The following ARHGAP15 variants were observed in gnomAD, a reference collection of about 807,000 sequenced individuals.
The protein encoded by ARHGAP15 is Rho GTPase activating protein 15.
Under a neutral mutation model 63.7 loss-of-function variants are expected in ARHGAP15, and 51 were observed. The observed-to-expected ratio is 0.80, with a 90% CI of 0.64 to 1.01. The LOEUF (loss-of-function observed/expected upper bound fraction) is 1.01. ARHGAP15 is among the 50% of genes least tolerant of loss of function. ARHGAP15 has a pLI of 0.00. For missense variants in ARHGAP15, 560 were observed against 564.6 expected, an observed-to-expected ratio of 0.99 and a Z score of 0.08; for synonymous variants, 191 against 193.8, an observed-to-expected ratio of 0.99 and a Z score of 0.12.
chr2:143,680,422 C>A (rs1183358227), intron 12 of ARHGAP15, among the ~76,000 whole-genome samples: 2 of 152,166 alleles, frequency 1.3e-5, no homozygotes, highest in African/African-American at 2.4e-5. Flanking sequence ...TCTCTAGTAA[C>A]CCTATACTGG....
chr2:143,243,744 T>C (rs1055592926), intron 5 of ARHGAP15, among the ~76,000 whole-genome samples: 1 of 152,170 alleles, frequency 6.6e-6, no homozygotes, highest in African/African-American at 2.4e-5. Flanking sequence ...GTAGTTTAAA[T>C]GTTTAACATT....
chr2:143,433,630 A>G (rs1315128837), intron 6 of ARHGAP15, among the ~76,000 whole-genome samples: 2 of 152,104 alleles, frequency 1.3e-5, no homozygotes, highest in African/African-American at 2.4e-5. Context: ...AAGTACTTAT[A>G]TTTTATCACT....
At chr2:143,175,172 C>T (rs1429882494) in intron 2 of ARHGAP15, among the ~76,000 whole-genome samples, 1 of 152,162 alleles carries the variant, frequency 6.6e-6, no homozygotes, top group South Asian at 2.1e-4. Flanking sequence ...CTCTTTAATG[C>T]ACCTCAAGGG....
intron 6 of ARHGAP15, among the ~76,000 whole-genome samples, chr2:143,342,234 G>A (rs1685089587): frequency 6.6e-6 from 1 of 152,052 alleles, no homozygotes; most frequent in Admixed American, 6.6e-5. Flanking sequence ...CTTTTCATGG[G>A]AATCATGGGT....
intron 11 of ARHGAP15, among the ~76,000 whole-genome samples, chr2:143,616,804 G>A (rs1698466772): frequency 1.3e-5 from 2 of 152,160 alleles, no homozygotes; most frequent in South Asian, 2.1e-4. Flanking sequence ...AACAGATCTT[G>A]TTGATTTTGC....
intron 7 of ARHGAP15, among the ~76,000 whole-genome samples, chr2:143,436,276 T>C (rs1479612409): frequency 6.6e-6 from 1 of 152,182 alleles, no homozygotes; most frequent in African/African-American, 2.4e-5. Context: ...CATTTAATTT[T>C]ATGACACTAA....
chr2:143,258,490 G>C (rs571438569), intron 6 of ARHGAP15, among the ~76,000 whole-genome samples: 1 of 152,212 alleles, frequency 6.6e-6, no homozygotes, highest in South Asian at 2.1e-4. Flanking sequence ...TCTATGCATA[G>C]AGTCTCTCAA....
intron 13 of ARHGAP15, among the ~76,000 whole-genome samples, chr2:143,740,622 G>T (rs577517773): frequency 1.3e-5 from 2 of 152,164 alleles, no homozygotes; most frequent in Admixed American, 6.5e-5. Flanking sequence ...GCTAACAAGC[G>T]CAGTGTCAAC....
intron 6 of ARHGAP15, among the ~76,000 whole-genome samples, chr2:143,394,541 G>C (rs1687675959): frequency 6.6e-6 from 1 of 152,142 alleles, no homozygotes; most frequent in Non-Finnish European, 1.5e-5. Context: ...ATGATAAAGA[G>C]AAATTCTGTC....
At chr2:143,287,364 C>T (rs1379811298) in intron 6 of ARHGAP15, among the ~76,000 whole-genome samples, 1 of 152,098 alleles carries the variant, frequency 6.6e-6, no homozygotes, top group Non-Finnish European at 1.5e-5. Context: ...TTGTCTTCTG[C>T]TCGGTTTCAC....
At chr2:143,466,588 CA>C (rs1200317394) in intron 8 of ARHGAP15, among the ~76,000 whole-genome samples, 2 of 152,008 alleles carry the variant, frequency 1.3e-5, no homozygotes, top group East Asian at 1.9e-4. Context: ...CAAGCATATT[CA>C]GGCAAAAAGC....
At chr2:143,467,881 A>G (rs367686635) in intron 8 of ARHGAP15, among the ~76,000 whole-genome samples, 2 of 152,138 alleles carry the variant, frequency 1.3e-5, no homozygotes, top group African/African-American at 4.8e-5. Context: ...CTATATAATC[A>G]TTGTTTCCTT....
chr2:143,187,017 A>G (rs975959255), intron 2 of ARHGAP15, among the ~76,000 whole-genome samples: 3 of 152,172 alleles, frequency 2.0e-5, no homozygotes, highest in African/African-American at 7.2e-5. Flanking sequence ...AAATACGAAA[A>G]TGTTTCTGTG....
intron 8 of ARHGAP15, among the ~76,000 whole-genome samples, chr2:143,466,363 C>T (rs1249530243): frequency 6.6e-6 from 1 of 151,478 alleles, no homozygotes; most frequent in Non-Finnish European, 1.5e-5. Context: ...ATGCAATTTC[C>T]CAAGACTCAT....
chr2:143,278,499 G>T (rs1681679721), intron 6 of ARHGAP15, among the ~76,000 whole-genome samples: 4 of 152,142 alleles, frequency 2.6e-5, no homozygotes, highest in Admixed American at 2.0e-4. Context: ...GTAGGTAACT[G>T]AGAATGCCTG....
chr2:143,319,445 C>T (rs1242457516), intron 6 of ARHGAP15, among the ~76,000 whole-genome samples: 2 of 152,128 alleles, frequency 1.3e-5, no homozygotes, highest in Non-Finnish European at 2.9e-5. Flanking sequence ...TGGTCTCGAA[C>T]TCCTGACCTC....
intron 6 of ARHGAP15, among the ~76,000 whole-genome samples, chr2:143,323,919 A>C (rs1419994981): frequency 6.7e-5 from 10 of 148,758 alleles, no homozygotes; most frequent in Admixed American, 4.3e-4. Flanking sequence ...AAAAAAAAAA[A>C]AAAACACCTA....
At chr2:143,212,641 G>A (rs772968361) in intron 3 of ARHGAP15, among the ~76,000 whole-genome samples, 5 of 152,074 alleles carry the variant, frequency 3.3e-5, no homozygotes, top group Admixed American at 6.6e-5. Flanking sequence ...TGACTAGCAC[G>A]CTCAACTGGA....
chr2:143,434,665 A>C (rs943439416), intron 6 of ARHGAP15, among the ~76,000 whole-genome samples: 1 of 152,170 alleles, frequency 6.6e-6, no homozygotes, highest in Non-Finnish European at 1.5e-5. Flanking sequence ...TCTGTGTGAC[A>C]GTAGTTGGGA....
Sources: gnomAD v4.1 joint callset for allele counts (sites outside exome capture counted in the v4.1 genomes callset) on GRCh38, gnomAD v4.1.1 for gene constraint, MANE v1.5 for transcripts, NCBI Gene and HGNC (gene_info 2026-07-23, HGNC 2026-07-21) for gene names.